LRP1B: variants seen among roughly 807,000 people sequenced by gnomAD.
The protein encoded by LRP1B is low-density lipoprotein receptor-related protein 1B.
Under a neutral mutation model 556.6 loss-of-function variants are expected in LRP1B, and 217 were observed. That is an observed-to-expected ratio of 0.39 (90% CI 0.35 to 0.44). The LOEUF is 0.44. LRP1B is among the 20% of genes least tolerant of loss of function. The pLI, the probability that LRP1B is intolerant of heterozygous loss-of-function variation, is 1.00. For missense variants in LRP1B, 5,053 were observed against 5,620.8 expected, an observed-to-expected ratio of 0.90 and a Z score of 3.23; for synonymous variants, 2,047 against 1,865.8, an observed-to-expected ratio of 1.10 and a Z score of -2.50.
In LRP1B at chr2:141,201,556, A is replaced by T. The variant is rs902627225; in HGVS notation, c.851-12973T>A. 2.0e-5 allele frequency among the ~76,000 whole-genome samples: 3 copies of T among 148,490 alleles called. No individual in the cohort carries two copies. In the South Asian group the frequency reaches 6.2e-4, roughly 31 times the overall value. ...TTAGATTACTTTAGATTACGTTTTG[A>T]TTTGTGTCCCTAAAAATACATATTT... On this transcript the variant is annotated intron_variant, in intron 6 of 90. Coordinates refer to ENST00000389484, the MANE Select transcript of LRP1B (RefSeq NM_018557.3).
Position 141,808,252 on chromosome 2 carries a change from C to A in LRP1B, c.205+2027G>T, listed in dbSNP as rs558135431. Among the ~76,000 whole-genome samples the A allele has an allele frequency of 3.3e-5, 5 of 152,180 alleles. No individual in the cohort carries two copies. The East Asian group carries it at 9.7e-4, about 29-fold the overall frequency. ...TTTCCTGCATATGAATTCTGCAAAT[C>A]TGTGTCATGTCCTTGTTATTTTCTC... On this transcript the variant is annotated intron_variant, in intron 2 of 90. Transcript: ENST00000389484.
At chr2:141,990,490 T>C (rs1221180553) in intron 1 of LRP1B, among the ~76,000 whole-genome samples, 1 of 152,004 alleles carries the variant, frequency 6.6e-6, no homozygotes, top group Non-Finnish European at 1.5e-5. Flanking sequence ...AAGTTTTTAT[T>C]TTTAGTGCAA....
chr2:141,947,654 T>G (rs889610872), intron 1 of LRP1B, among the ~76,000 whole-genome samples: 7 of 152,074 alleles, frequency 4.6e-5, no homozygotes, highest in African/African-American at 1.7e-4. Context: ...CTTAATTCTC[T>G]TTAAGTATTA....
rs1483069855 is a variant in LRP1B at position 140,232,941 on chromosome 2, T to G, written c.*245A>C. 3.2e-6 allele frequency: 1 copy of G among 307,948 alleles called. No individual in the cohort carries two copies. Among genetic ancestry groups the G allele is most frequent in the Non-Finnish European group, 5.9e-6 (1 of 169,682 alleles). 19.1% of individuals were successfully genotyped at this position (307,948 alleles called of 1,614,324 possible). On this transcript the variant is annotated 3_prime_UTR_variant, in exon 91 of 91. Transcript: ENST00000389484. ...TAATTTTAACAAATTCAAAGGTGTG[T>G]CATATCAGCAGCATTGTTGTAAATT...
intron 11 of LRP1B, among the ~76,000 whole-genome samples, chr2:141,045,258 TG>T (rs1272602389): frequency 2.1e-5 from 2 of 93,746 alleles, no homozygotes; most frequent in African/African-American, 4.3e-5. Flanking sequence ...TATCACACTC[TG>T]GGGACTGTTG....
intron 1 of LRP1B, among the ~76,000 whole-genome samples, chr2:141,811,142 C>A (rs978973734): frequency 2.0e-5 from 3 of 152,062 alleles, no homozygotes; most frequent in Non-Finnish European, 2.9e-5. Flanking sequence ...TTTTCCACAG[C>A]ATATTTGCTT....
intron 2 of LRP1B, among the ~76,000 whole-genome samples, chr2:141,685,761 T>A (rs1691271702): frequency 6.6e-6 from 1 of 151,992 alleles, no homozygotes; most frequent in African/African-American, 2.4e-5. Flanking sequence ...ACACAAGGAA[T>A]AGATTCTTTC....
At chr2:140,942,780 T>C (rs1394773020) in intron 20 of LRP1B, among the ~76,000 whole-genome samples, 1 of 152,054 alleles carries the variant, frequency 6.6e-6, no homozygotes, top group Non-Finnish European at 1.5e-5. Flanking sequence ...AACAGATGTT[T>C]AAGGGAGTTC....
chr2:141,227,815 A>G (rs1683304314), intron 6 of LRP1B, among the ~76,000 whole-genome samples: 1 of 152,240 alleles, frequency 6.6e-6, no homozygotes, highest in South Asian at 2.1e-4. Flanking sequence ...GTTCATGTAT[A>G]TGAAAAGCTT....
chr2:140,560,974 C>G (rs533188172), intron 43 of LRP1B, among the ~76,000 whole-genome samples: 1 of 152,172 alleles, frequency 6.6e-6, no homozygotes, highest in South Asian at 2.1e-4. Flanking sequence ...TGTACTGGTG[C>G]TCAGAAAACA....
intron 2 of LRP1B, among the ~76,000 whole-genome samples, chr2:141,714,969 T>C (rs758613192): frequency 2.6e-5 from 4 of 152,192 alleles, no homozygotes; most frequent in Non-Finnish European, 4.4e-5. Flanking sequence ...TTTATTATTG[T>C]AATGATATGA....
At chr2:140,311,280 G>A (rs577221458) in intron 83 of LRP1B, among the ~76,000 whole-genome samples, 8 of 151,860 alleles carry the variant, frequency 5.3e-5, no homozygotes, top group South Asian at 2.1e-4. Context: ...GTCAACCTAC[G>A]TGTTCAGCGA....
intron 41 of LRP1B, among the ~76,000 whole-genome samples, chr2:140,633,349 G>T (rs1431867379): frequency 6.6e-6 from 1 of 152,048 alleles, no homozygotes; most frequent in Non-Finnish European, 1.5e-5. Flanking sequence ...AAAATTTATT[G>T]CATTAAATGC....
chr2:141,417,373 G>A (rs1264904837), intron 3 of LRP1B, among the ~76,000 whole-genome samples: 3 of 152,086 alleles, frequency 2.0e-5, no homozygotes, highest in Admixed American at 6.5e-5. Context: ...CCACTCAATA[G>A]CAACTTCCTA....
At chr2:140,693,483 A>T (rs1335820719) in intron 41 of LRP1B, among the ~76,000 whole-genome samples, 1 of 152,000 alleles carries the variant, frequency 6.6e-6, no homozygotes, top group African/African-American at 2.4e-5. Context: ...ACACTGAGAC[A>T]TTTTGGCATT....
At chr2:142,047,731 T>TA (rs1475814637) in intron 1 of LRP1B, among the ~76,000 whole-genome samples, 1 of 151,762 alleles carries the variant, frequency 6.6e-6, no homozygotes, top group Non-Finnish European at 1.5e-5. Context: ...ATAACACCTC[T>TA]AAAAAAGGCC....
intron 41 of LRP1B, among the ~76,000 whole-genome samples, chr2:140,681,213 G>T (rs908781729): frequency 6.6e-6 from 1 of 152,054 alleles, no homozygotes; most frequent in Non-Finnish European, 1.5e-5. Flanking sequence ...GAAGAGTGCC[G>T]AAGAAACACT....
intron 2 of LRP1B, among the ~76,000 whole-genome samples, chr2:141,790,290 A>G (rs573164188): frequency 2.0e-5 from 3 of 151,318 alleles, no homozygotes; most frequent in African/African-American, 7.3e-5. Flanking sequence ...CCTACAATAT[A>G]CATTCTTAGA....
chr2:141,653,893 CTG>C (rs1423134752), intron 2 of LRP1B, among the ~76,000 whole-genome samples: 2 of 152,210 alleles, frequency 1.3e-5, no homozygotes, highest in African/African-American at 4.8e-5. Flanking sequence ...TTCTACAACA[CTG>C]TCACACTTTC....
Sources: gnomAD v4.1 joint callset for allele counts (sites outside exome capture counted in the v4.1 genomes callset) on GRCh38, gnomAD v4.1.1 for gene constraint, MANE v1.5 for transcripts, NCBI Gene and HGNC (gene_info 2026-07-23, HGNC 2026-07-21) for gene names.